The following PRKCE variants were observed in gnomAD, a reference collection of about 807,000 sequenced individuals.
PRKCE encodes the protein protein kinase C epsilon.
In PRKCE, 16 loss-of-function variants were observed where a neutral mutation model predicts 85.4. The ratio of observed to expected loss-of-function variants is 0.19; its 90% CI spans 0.13 to 0.28. The LOEUF (loss-of-function observed/expected upper bound fraction) is 0.28. Ranked by LOEUF, PRKCE falls within the 10% of genes least tolerant of loss-of-function variation. The probability of loss-of-function intolerance (pLI) is 1.00; values close to 1 mark genes in which losing one functional copy is unlikely to be tolerated. For missense variants in PRKCE, 573 were observed against 975.2 expected (o/e 0.59, Z 5.49); for synonymous variants, 388 against 371.5 (o/e 1.04, Z -0.51).
At chr2:46,061,284 A>G (rs945666524) in intron 10 of PRKCE, among the ~76,000 whole-genome samples, 10 of 151,378 alleles carry the variant, frequency 6.6e-5, no homozygotes, top group African/African-American at 2.4e-4. Context: ...TAATTTTTGT[A>G]TTCTTTATAG....
At chr2:45,997,030 T>C (rs1477066521) in intron 6 of PRKCE, among the ~76,000 whole-genome samples, 2 of 152,186 alleles carry the variant, frequency 1.3e-5, no homozygotes, top group Non-Finnish European at 2.9e-5. Flanking sequence ...TATGTCTTCT[T>C]ATGTAAGTTG....
intron 10 of PRKCE, among the ~76,000 whole-genome samples, chr2:46,022,675 C>G (rs928189203): frequency 6.6e-6 from 1 of 152,220 alleles, no homozygotes; most frequent in African/African-American, 2.4e-5. Context: ...GACTAATGCT[C>G]CTACATCAGA....
intron 1 of PRKCE, among the ~76,000 whole-genome samples, chr2:45,789,076 G>A (rs62127180): frequency 0.078 from 11,904 of 152,156 alleles, 624 homozygotes; most frequent in Admixed American, 0.13. Context: ...CAAAACCACC[G>A]CACTGAAGAC....
At chr2:45,869,716 T>TTTC (rs1558774262) in intron 2 of PRKCE, among the ~76,000 whole-genome samples, 1 of 146,436 alleles carries the variant, frequency 6.8e-6, no homozygotes, top group Non-Finnish European at 1.5e-5. Context: ...CTTTTTTTTT[T>TTTC]TTTTTTTTTG....
chr2:45,886,471 A>C (rs1006157276), intron 2 of PRKCE, among the ~76,000 whole-genome samples: 1 of 152,204 alleles, frequency 6.6e-6, no homozygotes, highest in Non-Finnish European at 1.5e-5. Context: ...TGCCATGCTG[A>C]CTTCTATTGC....
At chr2:45,669,171 T>G (rs1192568280) in intron 1 of PRKCE, among the ~76,000 whole-genome samples, 1 of 152,186 alleles carries the variant, frequency 6.6e-6, no homozygotes, top group Admixed American at 6.5e-5. Context: ...AAATTTTTCT[T>G]TATCACTGCT....
intron 2 of PRKCE, among the ~76,000 whole-genome samples, chr2:45,844,296 T>C (rs573466976): frequency 6.6e-5 from 10 of 152,250 alleles, no homozygotes; most frequent in Admixed American, 5.2e-4. Flanking sequence ...TAAACAGCCT[T>C]CCAAAATTGG....
chr2:46,131,963 A>G (rs1674505004), intron 11 of PRKCE, among the ~76,000 whole-genome samples: 1 of 152,108 alleles, frequency 6.6e-6, no homozygotes, highest in Admixed American at 6.5e-5. Flanking sequence ...AAAAGATACA[A>G]CCAATTATTA....
intron 1 of PRKCE, among the ~76,000 whole-genome samples, chr2:45,706,648 G>GT (rs1326118471): frequency 1.3e-5 from 2 of 152,156 alleles, no homozygotes; most frequent in African/African-American, 2.4e-5. Flanking sequence ...CTTCTCTCCT[G>GT]TTTATCCTGA....
intron 2 of PRKCE, among the ~76,000 whole-genome samples, chr2:45,920,705 C>T (rs1389695015): frequency 6.6e-6 from 1 of 151,990 alleles, no homozygotes; most frequent in Non-Finnish European, 1.5e-5. Flanking sequence ...AGAAAGTAGA[C>T]TTGTGGTTGC....
At chr2:45,868,233 T>C (rs1693771851) in intron 2 of PRKCE, among the ~76,000 whole-genome samples, 1 of 139,988 alleles carries the variant, frequency 7.1e-6, no homozygotes, top group Admixed American at 7.2e-5. Context: ...TTTTTTTTTT[T>C]TTTGTTCTCC....
chr2:45,914,629 C>T (rs1697626111), intron 2 of PRKCE, among the ~76,000 whole-genome samples: 1 of 152,308 alleles, frequency 6.6e-6, no homozygotes, highest in South Asian at 2.1e-4. Flanking sequence ...CTGGACCATG[C>T]ATTTAGAGCT....
chr2:45,978,331 A>G (rs918783468), intron 3 of PRKCE: 2 of 152,208 alleles, frequency 1.3e-5, no homozygotes, highest in African/African-American at 4.8e-5. Flanking sequence ...CTCCCTGACC[A>G]TCTGTAGTTA....
At chr2:46,133,334 G>T (rs1674646357) in intron 11 of PRKCE, among the ~76,000 whole-genome samples, 1 of 152,082 alleles carries the variant, frequency 6.6e-6, no homozygotes, top group Admixed American at 6.5e-5. Context: ...GCCTTCTAAG[G>T]CAGTGATGAT....
chr2:46,022,433 C>A (rs141989838), intron 10 of PRKCE, among the ~76,000 whole-genome samples: 1 of 152,068 alleles, frequency 6.6e-6, no homozygotes, highest in Non-Finnish European at 1.5e-5. Flanking sequence ...AGTGAACAGT[C>A]CTTCTGTTTA....
rs1574385062 is a variant in PRKCE, at chr2:46,068,509, G to C, written c.1438-17699G>C. Among the ~76,000 whole-genome samples the C allele has an allele frequency of 6.6e-6, 1 of 152,174 alleles. No homozygotes were observed. The highest frequency in any genetic ancestry group is 2.4e-5 in the African/African-American group (1 of 41,420). ...ATTCCTACTCATGAGGACTGAGAAA[G>C]ACCAGTTGAAGAAGGGTAGAAAAAT... is the stretch of plus-strand genomic sequence containing the variant. On this transcript the variant is annotated intron_variant, in intron 10 of 14. Coordinates refer to ENST00000306156, the MANE Select transcript of PRKCE (RefSeq NM_005400.3). This position sits in a 1 kb window ranked among gnomAD's most constrained non-coding sequence, Gnocchi z 4.3.
chr2:45,923,078 A>G (rs1698371163), intron 2 of PRKCE, among the ~76,000 whole-genome samples: 1 of 152,222 alleles, frequency 6.6e-6, no homozygotes, highest in African/African-American at 2.4e-5. Flanking sequence ...TGCTTATAAC[A>G]GAGGACAGGA....
chr2:46,100,304 G>A (rs1202342503), intron 11 of PRKCE, among the ~76,000 whole-genome samples: 2 of 152,124 alleles, frequency 1.3e-5, no homozygotes, highest in Non-Finnish European at 2.9e-5. Context: ...TCTGCTCTCG[G>A]TATGTCAAAT....
chr2:45,762,974 C>T (rs1425808568), intron 1 of PRKCE, among the ~76,000 whole-genome samples: 2 of 145,694 alleles, frequency 1.4e-5, no homozygotes, highest in Non-Finnish European at 3.0e-5. Context: ...TTTTTTGAGA[C>T]GGAGTCCTGC....
Sources: allele counts gnomAD v4.1 joint callset (sites outside exome capture counted in the v4.1 genomes callset), GRCh38; gene constraint gnomAD v4.1.1; non-coding constraint Gnocchi (gnomAD v3.1); transcripts MANE v1.5; gene names NCBI Gene and HGNC (gene_info 2026-07-23, HGNC 2026-07-21).